FBLN7: variants seen among roughly 807,000 people sequenced by gnomAD.
FBLN7 encodes fibulin-7.
FBLN7 carries 31 observed loss-of-function variants against 44.0 expected under a neutral mutation model. The ratio of observed to expected loss-of-function variants is 0.70; its 90% CI spans 0.53 to 0.95. The LOEUF (loss-of-function observed/expected upper bound fraction) is 0.95. FBLN7 is among the 40% of genes least tolerant of loss of function. The pLI is 0.00. For synonymous variants in FBLN7, 262 were observed against 253.4 expected (o/e 1.03, Z -0.32); for missense variants, 573 against 618.5 (o/e 0.93, Z 0.78).
the FBLN7 span, among the ~76,000 whole-genome samples, chr2:112,207,241 C>T: frequency 8.6e-5 from 13 of 151,936 alleles, no homozygotes; most frequent in Admixed American, 6.6e-4. Flanking sequence ...CAGAGGCAGG[C>T]GGATCACCTG....
At chr2:112,152,167 C>G (rs1055342376) in intron 1 of FBLN7, 1 of 152,266 alleles carries the variant, frequency 6.6e-6, no homozygotes, top group Admixed American at 6.5e-5. Context: ...TCTTGTCACA[C>G]CAGCGGCTGG....
intron 1 of FBLN7, among the ~76,000 whole-genome samples, chr2:112,158,095 C>T (rs1306255003): frequency 6.6e-6 from 1 of 151,530 alleles, no homozygotes; most frequent in East Asian, 2.0e-4. Context: ...GATGGGGTTT[C>T]ACCGTGTTAG....
chr2:112,165,242 G>T, intron 3 of FBLN7, 71 bp downstream of exon 3: 1 of 1,526,242 alleles, frequency 6.6e-7, no homozygotes, highest in Non-Finnish European at 8.9e-7. Flanking sequence ...TGCATAGAAA[G>T]GGTCATTCCT....
chr2:112,191,636 T>G (rs1386340169), downstream of FBLN7, among the ~76,000 whole-genome samples: 1 of 152,138 alleles, frequency 6.6e-6, no homozygotes, highest in Non-Finnish European at 1.5e-5. Flanking sequence ...TAAAAACAGC[T>G]AAAATCATTT....
At chr2:112,153,057 C>T (rs532343685) in intron 1 of FBLN7, 1 of 152,306 alleles carries the variant, frequency 6.6e-6, no homozygotes, top group East Asian at 1.9e-4. Flanking sequence ...AATTCTCTCA[C>T]TTCCTCCAGA....
chr2:112,241,270 T>G, the FBLN7 span, among the ~76,000 whole-genome samples: 1 of 152,144 alleles, frequency 6.6e-6, no homozygotes, highest in South Asian at 2.1e-4. Flanking sequence ...AAGGCTGTTA[T>G]CCAAAGAAAT....
chr2:112,140,824 G>C (rs1419898595), intron 1 of FBLN7, among the ~76,000 whole-genome samples: 1 of 152,222 alleles, frequency 6.6e-6, no homozygotes, highest in African/African-American at 2.4e-5. Flanking sequence ...TTCCCGAGCC[G>C]GCGAGGCCCT....
chr2:112,168,847 G>A (rs1697118705), intron 3 of FBLN7, among the ~76,000 whole-genome samples: 1 of 152,174 alleles, frequency 6.6e-6, no homozygotes, highest in African/African-American at 2.4e-5. Flanking sequence ...CAAAATATCA[G>A]TGCCAGTGAC....
chr2:112,163,550 C>A (rs1378314068), intron 2 of FBLN7, among the ~76,000 whole-genome samples: 1 of 152,220 alleles, frequency 6.6e-6, no homozygotes, highest in Non-Finnish European at 1.5e-5. Flanking sequence ...GAGGAACAGG[C>A]TAGCTTCACC....
At chr2:112,203,156 G>T in the FBLN7 span, among the ~76,000 whole-genome samples, 1 of 152,192 alleles carries the variant, frequency 6.6e-6, no homozygotes. Context: ...ATGAGAACAT[G>T]CCCAAGAAAG....
Position 112,159,697 on chromosome 2 carries a change from C to T in FBLN7, c.97C>T (p.Leu33Phe), listed in dbSNP as rs781666273. The T allele has an allele frequency of 1.7e-5, 26 of 1,567,454 alleles. No individual in the cohort carries two copies. The highest frequency in any genetic ancestry group is 1.9e-5 in the Non-Finnish European group (22 of 1,155,094). ...GCAGAACTGTCTCAGCAAACAGCAG[C>T]TCCTCTCGGCCATCCGCCAGCTGCA... Reference protein sequence around the residue: ...ASQNCLSKQQLLSAIRQLQQL... With the variant: ...ASQNCLSKQQFLSAIRQLQQL... The change falls in exon 2 of 8, where the codon CTC (leucine) becomes TTC (phenylalanine). Residue 33 changes from leucine to phenylalanine, a missense_variant. By Grantham distance (22) the Leu-to-Phe change is conservative. Transcript: ENST00000331203.
At chr2:112,143,299 A>ATCATCCC (rs1680742370) in intron 1 of FBLN7, among the ~76,000 whole-genome samples, 1 of 152,178 alleles carries the variant, frequency 6.6e-6, no homozygotes, top group African/African-American at 2.4e-5. Context: ...ATATCTAACC[A>ATCATCCC]TCATCTCGCA....
chr2:112,156,216 T>C (rs1199478263), intron 1 of FBLN7, among the ~76,000 whole-genome samples: 8 of 152,076 alleles, frequency 5.3e-5, no homozygotes, highest in Non-Finnish European at 1.2e-4. Context: ...ATCAATAAGA[T>C]CATTCACCAC....
the FBLN7 span, among the ~76,000 whole-genome samples, chr2:112,216,912 T>TA: frequency 6.6e-6 from 1 of 151,838 alleles, no homozygotes; most frequent in Non-Finnish European, 1.5e-5. Context: ...AGAAACACAG[T>TA]AACAATAAAA....
intron 1 of FBLN7, among the ~76,000 whole-genome samples, chr2:112,150,455 C>T (rs1437406551): frequency 5.9e-5 from 9 of 152,162 alleles, no homozygotes; most frequent in South Asian, 2.1e-4. Flanking sequence ...ATCTCCTGAA[C>T]GGGTCAGTAT....
At chr2:112,189,859 T>G (rs542171990), downstream of FBLN7, 1 of 152,202 alleles carries the variant, frequency 6.6e-6, no homozygotes, top group Non-Finnish European at 1.5e-5. Flanking sequence ...ATAACCAAAA[T>G]GCCATTCACA....
intron 2 of FBLN7, among the ~76,000 whole-genome samples, chr2:112,162,638 G>A (rs923757149): frequency 7.9e-5 from 12 of 152,176 alleles, no homozygotes; most frequent in Admixed American, 1.3e-4. Flanking sequence ...CAAAGGACAC[G>A]TTCCCCTTCT....
chr2:112,234,235 T>C, the FBLN7 span: 18 of 1,588,752 alleles, frequency 1.1e-5, no homozygotes, highest in Non-Finnish European at 1.4e-5. Flanking sequence ...AGGTTTACCA[T>C]CCTTTAAAAA....
chr2:112,157,313 C>T (rs1681480724), intron 1 of FBLN7, among the ~76,000 whole-genome samples: 2 of 151,802 alleles, frequency 1.3e-5, no homozygotes, highest in Non-Finnish European at 2.9e-5. Flanking sequence ...GAGGTTGCAG[C>T]GAGTTGAGAT....
Sources: allele counts gnomAD v4.1 joint callset (sites outside exome capture counted in the v4.1 genomes callset), GRCh38; gene constraint gnomAD v4.1.1; transcripts MANE v1.5; gene names NCBI Gene and HGNC (gene_info 2026-07-23, HGNC 2026-07-21).